Variants in GRB2 observed in about 807,000 individuals in gnomAD.
GRB2 encodes growth factor receptor bound protein 2.
In GRB2, 2 loss-of-function variants were observed where a neutral mutation model predicts 27.4. The ratio of observed to expected loss-of-function variants is 0.07; its 90% CI spans 0.03 to 0.23. GRB2 has a LOEUF of 0.23. Among genes scored for constraint, GRB2 ranks in the 10% least tolerant of loss-of-function variants. The pLI, the probability that GRB2 is intolerant of heterozygous loss-of-function variation, is 1.00. For missense variants in GRB2, 102 were observed against 282.4 expected, an observed-to-expected ratio of 0.36 and a Z score of 4.58; for synonymous variants, 94 against 99.6, an observed-to-expected ratio of 0.94 and a Z score of 0.33.
chr17:75,373,820 T>C lies in GRB2; in HGVS notation c.78+19731A>G, dbSNP rs576273943. On this transcript the variant is annotated intron_variant, in intron 2 of 5. Transcript: ENST00000316804. ...GGTATTTTTTTTTTTTTTTTTTTTT[T>C]TTTTTGAGACAGAGTCTCGCTCTAT... is the stretch of plus-strand genomic sequence containing the variant. 3.2e-3 allele frequency: 468 copies of C among 145,528 alleles called. 1 individual carries two copies. The highest frequency in any genetic ancestry group is 0.011 in the African/African-American group (434 of 38,980). The allele number at this position is 145,528 out of a possible 1,614,324, so 9.0% of individuals were successfully genotyped here.
chr17:75,381,993 G>A lies in GRB2; in HGVS notation c.78+11558C>T, dbSNP rs566790457. Among the ~76,000 whole-genome samples the A allele has an allele frequency of 3.8e-4, 58 of 152,206 alleles. 2 individuals carry two copies. The highest frequency in any genetic ancestry group is 1.3e-3 in the African/African-American group (54 of 41,526). On this transcript the variant is annotated intron_variant, in intron 2 of 5. Transcript: ENST00000316804. The stretch of plus-strand genomic sequence containing the variant: ...TAATCCCAGCACTTTGGGAGGCTGA[G>A]GCGGGTGGATCACAGGGTCAAGAGA...
At chr17:75,381,759 A>G (rs1334975591) in intron 2 of GRB2, among the ~76,000 whole-genome samples, 1 of 151,118 alleles carries the variant, frequency 6.6e-6, no homozygotes, top group Non-Finnish European at 1.5e-5. Context: ...AAATAAAGAT[A>G]TATGAAATAA....
Position 75,334,835 on chromosome 17 carries a change from T to C in GRB2, c.79-2038A>G, listed in dbSNP as rs532599457. The stretch of plus-strand genomic sequence containing the variant: ...ATACTGTAATAAAAATTTATGTGAA[T>C]GTGTTATCTCTCAAAATATCTTTTT... On this transcript the variant is annotated intron_variant, in intron 2 of 5. Transcript: ENST00000316804. Among the ~76,000 whole-genome samples, 3 of 142,754 alleles carry C rather than the reference T, an allele frequency of 2.1e-5. No homozygotes were observed. The South Asian group carries it at 6.8e-4, about 32-fold the overall frequency. 93.7% of individuals were successfully genotyped at this position (142,754 alleles called of 152,430 possible).
chr17:75,371,488 A>G (rs1231729336), intron 2 of GRB2: 2 of 152,136 alleles, frequency 1.3e-5, no homozygotes, highest in Admixed American at 6.6e-5. Flanking sequence ...CTTGCCTCCA[A>G]CACATTAAAC....
At chr17:75,325,664 C>T (rs1304975575) in intron 4 of GRB2, among the ~76,000 whole-genome samples, 2 of 152,258 alleles carry the variant, frequency 1.3e-5, no homozygotes, top group Non-Finnish European at 2.9e-5. Context: ...CTCCAGCTGG[C>T]TGCAGGGAGC....
chr17:75,390,363 T>G lies in GRB2; in HGVS notation c.78+3188A>C, dbSNP rs1300431689. Among the ~76,000 whole-genome samples the G allele has an allele frequency of 3.3e-5, 5 of 152,292 alleles. No homozygotes were observed. In the South Asian group the frequency reaches 6.2e-4, roughly 19 times the overall value. On this transcript the variant is annotated intron_variant, in intron 2 of 5. Coordinates refer to ENST00000316804, the MANE Select transcript of GRB2 (RefSeq NM_002086.5). Reference sequence around the variant, plus strand: ...GGCAGTTGCAACTCCTAGGTAAGTTTTATGTGCTCTAGTGTAGACTATTTA... The same window carrying G: ...GGCAGTTGCAACTCCTAGGTAAGTTGTATGTGCTCTAGTGTAGACTATTTA...
At chr17:75,382,340 A>T (rs1019574411) in intron 2 of GRB2, among the ~76,000 whole-genome samples, 25 of 152,232 alleles carry the variant, frequency 1.6e-4, no homozygotes, top group Non-Finnish European at 1.5e-5. Context: ...GTTAAAACGA[A>T]GAAAAAAACT....
intron 2 of GRB2, among the ~76,000 whole-genome samples, chr17:75,357,667 T>C (rs1186682447): frequency 6.6e-6 from 1 of 152,178 alleles, no homozygotes; most frequent in Non-Finnish European, 1.5e-5. Context: ...ACGTCTGTAA[T>C]CCTAGCACTT....
chr17:75,359,909 G>A (rs1489853906), intron 2 of GRB2, among the ~76,000 whole-genome samples: 1 of 151,546 alleles, frequency 6.6e-6, no homozygotes, highest in Non-Finnish European at 1.5e-5. Context: ...CATTCAATAA[G>A]TGTTTGACTT....
chr17:75,377,025 A>C (rs1318823866), intron 2 of GRB2, among the ~76,000 whole-genome samples: 3 of 151,836 alleles, frequency 2.0e-5, no homozygotes, highest in Non-Finnish European at 4.4e-5. Flanking sequence ...ACATAAAGAC[A>C]GACCTTCATA....
chr17:75,402,890 A>G (rs1029069440), intron 1 of GRB2, among the ~76,000 whole-genome samples: 2 of 151,798 alleles, frequency 1.3e-5, no homozygotes, highest in Non-Finnish European at 2.9e-5. Context: ...AGCCTGACCA[A>G]CATGGAGAAA....
At chr17:75,380,222 T>G (rs1314575432) in intron 2 of GRB2, among the ~76,000 whole-genome samples, 1 of 152,172 alleles carries the variant, frequency 6.6e-6, no homozygotes, top group African/African-American at 2.4e-5. Flanking sequence ...TGATTTTTTC[T>G]TTCCTTATTA....
intron 2 of GRB2, among the ~76,000 whole-genome samples, chr17:75,346,909 C>CA (rs1392700760): frequency 6.6e-6 from 1 of 152,094 alleles, no homozygotes; most frequent in Non-Finnish European, 1.5e-5. Flanking sequence ...CAGGCTCCCT[C>CA]ACTCTCTGGC....
At chr17:75,347,996 G>C (rs1207950043) in intron 2 of GRB2, among the ~76,000 whole-genome samples, 2 of 152,146 alleles carry the variant, frequency 1.3e-5, no homozygotes, top group African/African-American at 4.8e-5. Flanking sequence ...CCAACTACTT[G>C]GAAGAAGAAA....
chr17:75,393,496 G>C (rs2079010844), intron 2 of GRB2, 55 bp downstream of exon 2: 1 of 1,334,602 alleles, frequency 7.5e-7, no homozygotes, highest in Non-Finnish European at 1.1e-6. Flanking sequence ...GGCGAAAGAA[G>C]GTGGGTGAGC....
intron 2 of GRB2, among the ~76,000 whole-genome samples, chr17:75,337,285 C>A (rs546014029): frequency 6.6e-6 from 1 of 151,914 alleles, no homozygotes; most frequent in Non-Finnish European, 1.5e-5. Context: ...GGAGCTTGCA[C>A]ACACAAGCCC....
chr17:75,322,841 C>T (rs563304920), intron 4 of GRB2, among the ~76,000 whole-genome samples: 1 of 152,146 alleles, frequency 6.6e-6, no homozygotes, highest in East Asian at 1.9e-4. Flanking sequence ...CATTCTCGGC[C>T]GGATGCGGTG....
chr17:75,332,623 TG>T, intron 3 of GRB2, 76 bp downstream of exon 3: 1 of 805,226 alleles, frequency 1.2e-6, no homozygotes. Context: ...TCCATCCCAG[TG>T]ATCTCAATTT....
intron 2 of GRB2, among the ~76,000 whole-genome samples, chr17:75,342,605 A>G (rs1370964455): frequency 6.6e-6 from 1 of 152,096 alleles, no homozygotes; most frequent in Admixed American, 6.6e-5. Context: ...GAACCTCTTA[A>G]ATAGATCCTA....
Sources: allele counts gnomAD v4.1 joint callset (sites outside exome capture counted in the v4.1 genomes callset), GRCh38; gene constraint gnomAD v4.1.1; transcripts MANE v1.5; gene names NCBI Gene and HGNC (gene_info 2026-07-23, HGNC 2026-07-21).